The following CCDC73 variants were observed in gnomAD, a reference collection of about 807,000 sequenced individuals.
The protein encoded by CCDC73 is coiled-coil domain-containing protein 73.
A neutral mutation model predicts 116.5 loss-of-function variants in CCDC73; 95 were observed. That is an observed-to-expected ratio of 0.82 (90% CI 0.69 to 0.97). The LOEUF (loss-of-function observed/expected upper bound fraction) is 0.97. Ranked by LOEUF, CCDC73 falls within the 50% of genes least tolerant of loss-of-function variation. The pLI is 0.00. For missense variants in CCDC73, 1,066 were observed against 1,206.8 expected (o/e 0.88, Z 1.73); for synonymous variants, 398 against 401.3 (o/e 0.99, Z 0.10).
At chr11:32,774,229 A>C (rs1411975262) in intron 1 of CCDC73, among the ~76,000 whole-genome samples, 1 of 147,596 alleles carries the variant, frequency 6.8e-6, no homozygotes, top group Non-Finnish European at 1.5e-5. Flanking sequence ...ATATATTTTC[A>C]ACAAGTCTCC....
At chr11:32,629,921 C>CAAAAAAAAAAAAAAAAAAAAAAAA (rs367693675) in intron 14 of CCDC73, among the ~76,000 whole-genome samples, 2 of 55,722 alleles carry the variant, frequency 3.6e-5, no homozygotes, top group African/African-American at 5.7e-5. Flanking sequence ...AGCAGATATG[C>CAAAAAAAAAAAAAAAAAAAAAAAA]AAAAAAAAAA....
At chr11:32,710,240 G>T (rs934002460) in intron 3 of CCDC73, among the ~76,000 whole-genome samples, 4 of 152,018 alleles carry the variant, frequency 2.6e-5, no homozygotes, top group Admixed American at 2.6e-4. Context: ...GGTTTGGATT[G>T]TTCTTGTTTC....
intron 2 of CCDC73, among the ~76,000 whole-genome samples, chr11:32,744,411 T>C (rs1850216099): frequency 6.6e-6 from 1 of 152,092 alleles, no homozygotes; most frequent in Admixed American, 6.5e-5. Context: ...ATAAGAATGA[T>C]GCTGGCCTCA....
intron 1 of CCDC73, among the ~76,000 whole-genome samples, chr11:32,771,078 T>C (rs954754682): frequency 2.0e-5 from 3 of 152,162 alleles, no homozygotes; most frequent in Non-Finnish European, 4.4e-5. Context: ...CCTAAAAAGA[T>C]TGGCTTTGGA....
intron 1 of CCDC73, among the ~76,000 whole-genome samples, chr11:32,763,270 T>C (rs1850408526): frequency 6.6e-6 from 1 of 152,166 alleles, no homozygotes; most frequent in Non-Finnish European, 1.5e-5. Flanking sequence ...AGCACAGAGT[T>C]TGAGATCTGA....
chr11:32,708,102 A>G (rs1367750502), intron 3 of CCDC73, among the ~76,000 whole-genome samples: 13 of 152,198 alleles, frequency 8.5e-5, no homozygotes. Context: ...ATGAGGTTCT[A>G]GCTTCATTCT....
chr11:32,767,197 C>T (rs1413546323), intron 1 of CCDC73, among the ~76,000 whole-genome samples: 1 of 152,098 alleles, frequency 6.6e-6, no homozygotes, highest in Non-Finnish European at 1.5e-5. Flanking sequence ...CTTTGACAAA[C>T]CTGACAAAAA....
rs1379277720 is a variant in CCDC73, at chr11:32,614,668, T to C, written c.1650A>G (p.Ile550Met). The change falls in exon 16 of 18, where the codon ATA (isoleucine) becomes ATG (methionine). Residue 550 changes from isoleucine (I) to methionine (M), a missense_variant. Coordinates refer to ENST00000335185, the MANE Select transcript of CCDC73 (RefSeq NM_001008391.4). ...CTAATCCTCTGGTTCTTTCTAGATG[T>C]ATTTTTTCTGTTTCTATTGCTGTAT... ...VLDTAIETEK[I>M]HLERTRGLDV... 6.2e-7 allele frequency: 1 copy of C among 1,613,150 alleles called. No homozygotes were observed. Among genetic ancestry groups the C allele is most frequent in the South Asian group, 1.1e-5 (1 of 91,052 alleles).
chr11:32,753,174 T>C (rs1850301621), intron 2 of CCDC73, among the ~76,000 whole-genome samples: 1 of 152,238 alleles, frequency 6.6e-6, no homozygotes, highest in Admixed American at 6.5e-5. Flanking sequence ...CTAGTCATCA[T>C]ATCCAGCCAT....
At chr11:32,700,217 C>A (rs12789547) in intron 5 of CCDC73, among the ~76,000 whole-genome samples, 11 of 151,806 alleles carry the variant, frequency 7.2e-5, no homozygotes, top group Admixed American at 5.9e-4. Context: ...TTACAGAAGA[C>A]CTTTGGCTAA....
At chr11:32,683,672 T>A in intron 6 of CCDC73, 98 bp from the exon 7 acceptor site, 1 of 694,096 alleles carries the variant, frequency 1.4e-6, no homozygotes, top group Non-Finnish European at 2.5e-6. Flanking sequence ...GTGGCATGTA[T>A]CTTCTATGTA....
intron 14 of CCDC73, among the ~76,000 whole-genome samples, chr11:32,628,803 A>G (rs568416715): frequency 6.6e-6 from 1 of 152,368 alleles, no homozygotes; most frequent in South Asian, 2.1e-4. Context: ...GAAGCAGGAA[A>G]ATGTTACCTG....
At chr11:32,640,858 A>C (rs1234702847) in intron 13 of CCDC73, among the ~76,000 whole-genome samples, 1 of 152,084 alleles carries the variant, frequency 6.6e-6, no homozygotes, top group African/African-American at 2.4e-5. Flanking sequence ...TCTACTAAAA[A>C]TACAAAAAAT....
chr11:32,617,221 T>C (rs1855481962), intron 14 of CCDC73, among the ~76,000 whole-genome samples: 1 of 152,040 alleles, frequency 6.6e-6, no homozygotes, highest in Non-Finnish European at 1.5e-5. Context: ...CACTGAGAAG[T>C]CACTGAAGGG....
chr11:32,612,348 A>G (rs866656950), intron 16 of CCDC73, among the ~76,000 whole-genome samples: 44 of 151,952 alleles, frequency 2.9e-4, no homozygotes, highest in Admixed American at 9.8e-4. Context: ...CAATTAAAAA[A>G]CCATTTTCCT....
At position 32,617,368 on chromosome 11, in the gene CCDC73, A is replaced by C. The variant is rs557982451; in HGVS notation, c.1186-1239T>G. Among the ~76,000 whole-genome samples the C allele has an allele frequency of 2.6e-5, 4 of 152,240 alleles. No individual in the cohort carries two copies. The East Asian group carries it at 7.7e-4, about 29-fold the overall frequency. ...AAATATGTTTTATAACTCAATAGGCACATCAAACAGTACCTACTATTATAC... is the reference window on the plus strand; with the variant it reads ...AAATATGTTTTATAACTCAATAGGCCCATCAAACAGTACCTACTATTATAC... On this transcript the variant is annotated intron_variant, in intron 14 of 17. Transcript: ENST00000335185.
At chr11:32,717,988 T>C in intron 3 of CCDC73, 88 bp downstream of exon 3, 2 of 848,852 alleles carry the variant, frequency 2.4e-6, no homozygotes, top group Non-Finnish European at 3.7e-6. Flanking sequence ...ACCTCCACCT[T>C]GTCTCTCCCT....
chr11:32,641,715 GTA>G (rs56262743), intron 13 of CCDC73, among the ~76,000 whole-genome samples: 78 of 148,884 alleles, frequency 5.2e-4, no homozygotes, highest in Admixed American at 4.0e-3. Flanking sequence ...ATATGTGTGT[GTA>G]TATATATATA....
At chr11:32,698,395 T>C (rs1849776707) in intron 6 of CCDC73, among the ~76,000 whole-genome samples, 1 of 152,166 alleles carries the variant, frequency 6.6e-6, no homozygotes, top group Admixed American at 6.5e-5. Context: ...TGTGTCTAAT[T>C]GTTTTTATCA....
Sources: gnomAD v4.1 joint callset for allele counts (sites outside exome capture counted in the v4.1 genomes callset) on GRCh38, gnomAD v4.1.1 for gene constraint, MANE v1.5 for transcripts, NCBI Gene and HGNC (gene_info 2026-07-23, HGNC 2026-07-21) for gene names.